The following PDYN variants were observed in gnomAD, a reference collection of about 807,000 sequenced individuals.
PDYN encodes prodynorphin.
A neutral mutation model predicts 11.4 loss-of-function variants in PDYN; 5 were observed. That is an observed-to-expected ratio of 0.44 (90% CI 0.23 to 0.92). The LOEUF (loss-of-function observed/expected upper bound fraction) is 0.92. Ranked by LOEUF, PDYN falls within the 40% of genes least tolerant of loss-of-function variation. PDYN has a pLI of 0.24. For synonymous variants in PDYN, 132 were observed against 129.5 expected (o/e 1.02, Z -0.13); for missense variants, 337 against 317.3 (o/e 1.06, Z -0.47).
chr20:1,991,271 G>A (rs1211844803), intron 2 of PDYN, among the ~76,000 whole-genome samples: 3 of 152,188 alleles, frequency 2.0e-5, no homozygotes, highest in Non-Finnish European at 4.4e-5. Flanking sequence ...ATAGGACAGG[G>A]ACCAAATGGC....
At chr20:1,981,460 C>T (rs1220006262) in intron 3 of PDYN, among the ~76,000 whole-genome samples, 1 of 152,060 alleles carries the variant, frequency 6.6e-6, no homozygotes, top group Non-Finnish European at 1.5e-5. Flanking sequence ...TTCATAGGGC[C>T]ATTGGGAGCA....
chr20:1,989,649 A>C (rs1988345403), intron 2 of PDYN, among the ~76,000 whole-genome samples: 1 of 152,218 alleles, frequency 6.6e-6, no homozygotes. Context: ...TTGATTTAAC[A>C]TTGCAATTAT....
chr20:1,991,661 C>T (rs944265018), intron 2 of PDYN, among the ~76,000 whole-genome samples: 1 of 152,192 alleles, frequency 6.6e-6, no homozygotes, highest in Non-Finnish European at 1.5e-5. Flanking sequence ...TGAGTGAATA[C>T]AGTGAGAGAA....
rs1247154386 is a variant in PDYN at position 1,980,972 on chromosome 20, A to C, written c.130-14T>G. ...CAGGGAGCAAATCTGCAAAAGACCC[A>C]AAAAGACCACAGTGGCAAATGATCA... On this transcript the variant is annotated splice_polypyrimidine_tract_variant and intron_variant, in intron 3 of 3. Coordinates refer to ENST00000217305, the MANE Select transcript of PDYN (RefSeq NM_024411.5). 1 of 1,613,372 alleles carries C rather than the reference A, an allele frequency of 6.2e-7. No homozygotes were observed. The highest frequency in any genetic ancestry group is 8.5e-7 in the Non-Finnish European group (1 of 1,179,870).
chr20:1,986,890 C>T (rs1262525409), intron 2 of PDYN, among the ~76,000 whole-genome samples: 2 of 152,238 alleles, frequency 1.3e-5, no homozygotes, highest in African/African-American at 4.8e-5. Context: ...TCCCATCACA[C>T]TTTGACCTGG....
rs749294896 is a variant in PDYN at position 1,980,560 on chromosome 20, C to CCCATAGCGT, written c.519_527dup (p.Arg174_Gly176dup). ...TCTTGGGGTATTTGCGCAAAAAGCCCCCATAGCGTTTGACCTGCTCCTTGG... is the reference window on the plus strand; with the variant it reads ...TCTTGGGGTATTTGCGCAAAAAGCCCCCATAGCGTCCATAGCGTTTGACCTGCTCCTTGG... On this transcript the variant is annotated inframe_insertion, in exon 4 of 4. Coordinates refer to ENST00000217305, the MANE Select transcript of PDYN (RefSeq NM_024411.5). 32 of 1,613,992 alleles carry CCCATAGCGT rather than the reference C, an allele frequency of 2.0e-5. No individual in the cohort carries two copies. The highest frequency in any genetic ancestry group is 1.2e-4 in the Admixed American group (7 of 59,998).
chr20:1,987,059 G>A (rs188458511), intron 2 of PDYN, among the ~76,000 whole-genome samples: 269 of 152,242 alleles, frequency 1.8e-3, no homozygotes, highest in African/African-American at 6.2e-3. Flanking sequence ...TAGGGGGGTC[G>A]CTGAGGTGCG....
Position 1,981,934 on chromosome 20 carries a change from A to ATAAATAAG in PDYN, c.130-977_130-976insCTTATTTA, listed in dbSNP as rs1235629237. Reference sequence around the variant, plus strand: ...GAGCAAGACTCTGTCTCAAACAAAAATAAATAAATAAATAAATAAATAAAT... The same window carrying ATAAATAAG: ...GAGCAAGACTCTGTCTCAAACAAAAATAAATAAGTAAATAAATAAATAAATAAATAAAT... On this transcript the variant is annotated intron_variant, in intron 3 of 3. Coordinates refer to ENST00000217305, the MANE Select transcript of PDYN (RefSeq NM_024411.5). Among the ~76,000 whole-genome samples the ATAAATAAG allele has an allele frequency of 1.8e-4, 26 of 147,002 alleles. No individual in the cohort carries two copies. The South Asian group carries it at 5.5e-3, about 31-fold the overall frequency.
rs147355936 is a variant in PDYN at position 1,980,817 on chromosome 20, G to A, written c.271C>T (p.Pro91Ser). ...DLGSKSVGEG[P>S]YSELAKLSGS... is the part of the protein sequence containing the mutation. ...GAGAGCTTGGCCAGCTCACTGTAGG[G>A]CCCTTCCCCAACCGACTTGCTCCCC... The change falls in exon 4 of 4, where the codon CCC becomes TCC. Residue 91 changes from proline (P) to serine (S), a missense_variant. Coordinates refer to ENST00000217305, the MANE Select transcript of PDYN (RefSeq NM_024411.5). 4.4e-5 allele frequency: 71 copies of A among 1,614,072 alleles called. No individual in the cohort carries two copies. In the African/African-American group the frequency reaches 9.1e-4, roughly 21 times the overall value.
At chr20:1,988,352 T>C (rs1349477936) in intron 2 of PDYN, among the ~76,000 whole-genome samples, 2 of 152,168 alleles carry the variant, frequency 1.3e-5, no homozygotes, top group African/African-American at 2.4e-5. Flanking sequence ...CACAATTTCA[T>C]AGGTGATCCT....
At chr20:1,990,275 A>T (rs1392104419) in intron 2 of PDYN, among the ~76,000 whole-genome samples, 1 of 152,206 alleles carries the variant, frequency 6.6e-6, no homozygotes, top group Non-Finnish European at 1.5e-5. Flanking sequence ...CCACGCCACA[A>T]ACCATCCTGA....
chr20:1,989,068 G>A (rs182723375), intron 2 of PDYN, among the ~76,000 whole-genome samples: 4 of 152,304 alleles, frequency 2.6e-5, no homozygotes, highest in East Asian at 1.9e-4. Flanking sequence ...TTTGCTGACC[G>A]TACTTTGACT....
intron 3 of PDYN, among the ~76,000 whole-genome samples, chr20:1,982,099 A>C (rs1471945883): frequency 6.6e-6 from 1 of 151,682 alleles, no homozygotes; most frequent in Non-Finnish European, 1.5e-5. Flanking sequence ...TCTACTAAAA[A>C]TACAAAAATT....
At chr20:1,988,430 C>T (rs946887547) in intron 2 of PDYN, among the ~76,000 whole-genome samples, 7 of 152,172 alleles carry the variant, frequency 4.6e-5, no homozygotes, top group Non-Finnish European at 7.3e-5. Context: ...GGAAGCATTT[C>T]GACCTTTCTG....
chr20:1,980,290 T>G lies in PDYN; in HGVS notation c.*33A>C, dbSNP rs556095353. 19 of 1,607,982 alleles carry G rather than the reference T, an allele frequency of 1.2e-5. No individual in the cohort carries two copies. In the African/African-American group the frequency reaches 2.1e-4, roughly 18 times the overall value. On this transcript the variant is annotated 3_prime_UTR_variant, in exon 4 of 4. Transcript: ENST00000217305. ...CTCCAACCTGAAAAGGTGTCAGGGG[T>G]TTCTCCTGACTCTACTCCATGAAAA...
chr20:1,984,481 T>C (rs6045850), intron 2 of PDYN, among the ~76,000 whole-genome samples: 14,448 of 152,226 alleles, frequency 0.095, 1,938 homozygotes, highest in African/African-American at 0.3. Context: ...TGTTAGCTCC[T>C]TGGGGACACA....
Position 1,983,072 on chromosome 20 carries a change from CCTG to C in PDYN, c.10_12del (p.Gln4del). On this transcript the variant is annotated inframe_deletion, in exon 3 of 4. Transcript: ENST00000217305. ...AGGAGGCAGGCAGCCAGGACCAGCCCCTGCCAGGCCATCCTGTCTCAGCAATTC... is the reference window on the plus strand; with the variant it reads ...AGGAGGCAGGCAGCCAGGACCAGCCCCCAGGCCATCCTGTCTCAGCAATTC... 1.2e-6 allele frequency: 2 copies of C among 1,613,574 alleles called. No individual in the cohort carries two copies. The highest frequency in any genetic ancestry group is 2.7e-5 in the African/African-American group (2 of 75,014).
intron 2 of PDYN, among the ~76,000 whole-genome samples, chr20:1,983,747 A>G (rs575608167): frequency 6.6e-6 from 1 of 152,202 alleles, no homozygotes; most frequent in Admixed American, 6.5e-5. Flanking sequence ...GGTCTTGGCA[A>G]TATCAATTCT....
At chr20:1,984,355 C>T (rs1051119786) in intron 2 of PDYN, among the ~76,000 whole-genome samples, 2 of 152,202 alleles carry the variant, frequency 1.3e-5, no homozygotes, top group African/African-American at 4.8e-5. Context: ...CTTGGTCTCT[C>T]TCTTACATCA....
Sources: allele counts gnomAD v4.1 joint callset (sites outside exome capture counted in the v4.1 genomes callset), GRCh38; gene constraint gnomAD v4.1.1; transcripts MANE v1.5; gene names NCBI Gene and HGNC (gene_info 2026-07-23, HGNC 2026-07-21).